Variants in GRIP1 observed in about 807,000 individuals in gnomAD.
The protein encoded by GRIP1 is glutamate receptor interacting protein 1.
Under a neutral mutation model 129.9 loss-of-function variants are expected in GRIP1, and 45 were observed. The ratio of observed to expected loss-of-function variants is 0.35; its 90% CI spans 0.27 to 0.44. The LOEUF is 0.44. GRIP1 is among the 20% of genes least tolerant of loss of function. The pLI, the probability that GRIP1 is intolerant of heterozygous loss-of-function variation, is 1.00. For missense variants in GRIP1, 1,196 were observed against 1,396.8 expected (o/e 0.86, Z 2.29); for synonymous variants, 530 against 520.8 (o/e 1.02, Z -0.24).
At chr12:66,593,788 G>A (rs2063931924) in intron 2 of GRIP1, among the ~76,000 whole-genome samples, 1 of 152,120 alleles carries the variant, frequency 6.6e-6, no homozygotes, top group Non-Finnish European at 1.5e-5. Context: ...TTCAGCCTCG[G>A]CTGGGCACGG....
intron 7 of GRIP1, among the ~76,000 whole-genome samples, chr12:66,490,559 A>G (rs1422367113): frequency 2.6e-5 from 4 of 152,186 alleles, no homozygotes; most frequent in Non-Finnish European, 2.9e-5. Flanking sequence ...CATTCAGGAC[A>G]TAGGCATGGG....
chr12:66,812,167 T>C (rs936790695), intron 1 of GRIP1, among the ~76,000 whole-genome samples: 4 of 152,224 alleles, frequency 2.6e-5, no homozygotes, highest in African/African-American at 9.6e-5. Flanking sequence ...GGAGTATCAC[T>C]CTGTCACTCA....
intron 1 of GRIP1, among the ~76,000 whole-genome samples, chr12:66,618,726 T>C (rs1565915105): frequency 6.6e-6 from 1 of 152,118 alleles, no homozygotes; most frequent in Non-Finnish European, 1.5e-5. Context: ...TGTTTATTTA[T>C]CAATATCCAC....
At chr12:66,755,669 C>T (rs772672362) in intron 1 of GRIP1, among the ~76,000 whole-genome samples, 5 of 152,112 alleles carry the variant, frequency 3.3e-5, no homozygotes, top group Non-Finnish European at 5.9e-5. Flanking sequence ...TCTCCGTTAC[C>T]CAGCTGAAGT....
At chr12:66,525,929 CA>C (rs2061218163) in intron 5 of GRIP1, among the ~76,000 whole-genome samples, 1 of 151,912 alleles carries the variant, frequency 6.6e-6, no homozygotes, top group East Asian at 1.9e-4. Context: ...CTCCCATTCA[CA>C]ATTGCTTCAA....
At chr12:66,791,214 A>C (rs1466616924) in intron 1 of GRIP1, among the ~76,000 whole-genome samples, 1 of 152,150 alleles carries the variant, frequency 6.6e-6, no homozygotes, top group Admixed American at 6.6e-5. Flanking sequence ...GCATAGTGGA[A>C]GTTTTTGTAA....
chr12:66,496,403 G>A (rs2060240991), intron 7 of GRIP1, among the ~76,000 whole-genome samples: 1 of 152,030 alleles, frequency 6.6e-6, no homozygotes, highest in South Asian at 2.1e-4. Context: ...ATATAACTAG[G>A]GACTTCTACC....
intron 23 of GRIP1, among the ~76,000 whole-genome samples, chr12:66,369,740 C>A (rs549607407): frequency 3.2e-4 from 48 of 152,072 alleles, no homozygotes; most frequent in Non-Finnish European, 6.6e-4. Context: ...CACAGGTACC[C>A]GAGGGAACCC....
chr12:66,381,893 G>T (rs1483496631), intron 19 of GRIP1, among the ~76,000 whole-genome samples: 1 of 152,222 alleles, frequency 6.6e-6, no homozygotes, highest in Non-Finnish European at 1.5e-5. Context: ...CAGAAAACCT[G>T]ATCCCAGCTC....
At chr12:66,675,917 T>C (rs2034305388) in intron 1 of GRIP1, among the ~76,000 whole-genome samples, 1 of 152,178 alleles carries the variant, frequency 6.6e-6, no homozygotes, top group Admixed American at 6.6e-5. Context: ...GGCAAAATGA[T>C]TGAAACAGTG....
chr12:66,765,950 A>G (rs1410971586), intron 1 of GRIP1, among the ~76,000 whole-genome samples: 2 of 152,190 alleles, frequency 1.3e-5, no homozygotes, highest in Non-Finnish European at 2.9e-5. Context: ...GTGTGGGCAC[A>G]GCTGATCTTC....
chr12:66,636,334 T>C (rs2031362996), intron 1 of GRIP1, among the ~76,000 whole-genome samples: 1 of 152,136 alleles, frequency 6.6e-6, no homozygotes, highest in African/African-American at 2.4e-5. Context: ...ATAGATTGTG[T>C]TAACGGTTGT....
At chr12:66,988,721 T>G (rs750549265) in intron 1 of GRIP1, among the ~76,000 whole-genome samples, 2 of 152,162 alleles carry the variant, frequency 1.3e-5, no homozygotes, top group Non-Finnish European at 2.9e-5. Flanking sequence ...TTTGGTTCCA[T>G]GTTTTAGGAG....
intron 2 of GRIP1, chr12:66,563,485 T>C (rs1222173274): frequency 1.3e-5 from 2 of 152,666 alleles, no homozygotes; most frequent in Admixed American, 1.3e-4. Context: ...CCATATCCTG[T>C]GTAGATCTTA....
At chr12:66,529,726 C>T in intron 5 of GRIP1, 105 bp downstream of exon 5, 1 of 765,082 alleles carries the variant, frequency 1.3e-6, no homozygotes, top group Non-Finnish European at 2.3e-6. Context: ...TCACAAATCA[C>T]CACTAAATAA....
intron 1 of GRIP1, among the ~76,000 whole-genome samples, chr12:66,819,100 G>C (rs1226100042): frequency 6.6e-6 from 1 of 152,104 alleles, no homozygotes; most frequent in Non-Finnish European, 1.5e-5. Flanking sequence ...TTCCCAAATG[G>C]ACTGCCAAAG....
intron 1 of GRIP1, among the ~76,000 whole-genome samples, chr12:66,978,172 C>T (rs2042184613): frequency 6.6e-6 from 1 of 151,150 alleles, no homozygotes; most frequent in Non-Finnish European, 1.5e-5. Flanking sequence ...AAATCCAAAC[C>T]CAGAAACTAT....
intron 1 of GRIP1, among the ~76,000 whole-genome samples, chr12:66,729,764 C>T (rs561619507): frequency 5.3e-5 from 8 of 152,148 alleles, no homozygotes; most frequent in Admixed American, 1.3e-4. Context: ...TTAGTAGAGA[C>T]GGGGTTTCCC....
intron 1 of GRIP1, among the ~76,000 whole-genome samples, chr12:67,052,044 G>A (rs941291174): frequency 6.6e-6 from 1 of 152,096 alleles, no homozygotes; most frequent in Non-Finnish European, 1.5e-5. Context: ...AGCAAATGGA[G>A]GCATATTCTT....
Sources: allele counts gnomAD v4.1 joint callset (sites outside exome capture counted in the v4.1 genomes callset), GRCh38; gene constraint gnomAD v4.1.1; transcripts MANE v1.5; gene names NCBI Gene and HGNC (gene_info 2026-07-23, HGNC 2026-07-21).